Variants in NOC3L observed in about 807,000 individuals in gnomAD.
NOC3L encodes nucleolar complex protein 3 homolog.
In NOC3L, 85 loss-of-function variants were observed where a neutral mutation model predicts 102.5. The ratio of observed to expected loss-of-function variants is 0.83; its 90% CI spans 0.70 to 0.99. The LOEUF (loss-of-function observed/expected upper bound fraction) is 0.99, where lower values mean the gene tolerates loss of function less well. Among genes scored for constraint, NOC3L ranks in the 50% least tolerant of loss-of-function variants. The pLI is 0.00. For missense variants in NOC3L, 878 were observed against 914.9 expected (o/e 0.96, Z 0.52); for synonymous variants, 303 against 309.4 (o/e 0.98, Z 0.22).
chr10:94,362,061 T>C, intron 1 of NOC3L, 189 bp from the exon 2 acceptor site: 5 of 652,014 alleles, frequency 7.7e-6, no homozygotes, highest in Admixed American at 2.3e-5. Flanking sequence ...GCATCAGTTA[T>C]TCAATCCCAA....
At chr10:94,316,493 GATTT>G in the NOC3L span, 1 of 1,123,350 alleles carries the variant, frequency 8.9e-7, no homozygotes, top group Non-Finnish European at 1.4e-6. Flanking sequence ...CATGAAAGTT[GATTT>G]GTTTTAAGTT....
downstream of NOC3L, chr10:94,328,451 C>CCAT (rs1199420690): frequency 6.6e-6 from 1 of 152,338 alleles, no homozygotes; most frequent in African/African-American, 2.4e-5. Context: ...TTTTTTTCAA[C>CCAT]CATTTAAAAA....
In NOC3L at chr10:94,350,212, C is replaced by G. The variant is rs1401540256; in HGVS notation, c.1029G>C (p.Val343=). The G allele has an allele frequency of 2.5e-6, 4 of 1,614,064 alleles. No homozygotes were observed. The highest frequency in any genetic ancestry group is 3.4e-6 in the Non-Finnish European group (4 of 1,180,020). ...KAYKGLAEVA[V]KSLCELLVAL... is the part of the protein sequence containing the mutation. The stretch of plus-strand genomic sequence containing the variant: ...CCACCAACAGCTCACACAAGCTCTT[C>G]ACAGCGACTTCTGCCAGTCCTTTGT... Residue 343 remains valine (V), a synonymous_variant, in exon 9 of 21, where the codon GTG becomes GTC. Transcript: ENST00000371361.
chr10:94,334,133 G>T lies in NOC3L; in HGVS notation c.*44C>A. 1.2e-6 allele frequency: 1 copy of T among 868,790 alleles called. No individual in the cohort carries two copies. Among genetic ancestry groups the T allele is most frequent in the Non-Finnish European group, 1.9e-6 (1 of 523,766 alleles). The allele number at this position is 868,790 out of a possible 1,614,324, so 53.8% of individuals were successfully genotyped here. A position where few individuals can be genotyped will look rare whatever the true frequency, so the allele number is the denominator to read the frequency against. On this transcript the variant is annotated 3_prime_UTR_variant, in exon 21 of 21. Transcript: ENST00000371361. ...TAACAACTCATCTTTATGTACATCT[G>T]CACACACAAATATACAAGAAAGTCC... is the stretch of plus-strand genomic sequence containing the variant.
intron 13 of NOC3L, 85 bp downstream of exon 13, chr10:94,344,330 G>A (rs1237684228): frequency 4.0e-6 from 3 of 752,246 alleles, no homozygotes; most frequent in Non-Finnish European, 6.8e-6. Context: ...GAGGATAATG[G>A]GCCATCATTA....
chr10:94,354,318 T>A (rs181725128), intron 6 of NOC3L, among the ~76,000 whole-genome samples: 125 of 152,346 alleles, frequency 8.2e-4, no homozygotes, highest in African/African-American at 2.7e-3. Flanking sequence ...ACTTCACGTA[T>A]ATTTCATCAT....
At chr10:94,341,102 G>C (rs1331702180) in intron 14 of NOC3L, among the ~76,000 whole-genome samples, 2 of 151,970 alleles carry the variant, frequency 1.3e-5, no homozygotes, top group Non-Finnish European at 2.9e-5. Context: ...AGCCCTGGAA[G>C]GTCAAGGCTG....
intron 5 of NOC3L, 126 bp from the exon 6 acceptor site, chr10:94,355,219 A>G (rs1482435094): frequency 2.8e-6 from 2 of 717,510 alleles, no homozygotes; most frequent in Admixed American, 2.5e-5. Flanking sequence ...ACTACTACAC[A>G]TCATCTCCTC....
At chr10:94,337,967 C>T in intron 18 of NOC3L, 93 bp from the exon 19 acceptor site, 2 of 948,002 alleles carry the variant, frequency 2.1e-6, no homozygotes, top group Non-Finnish European at 3.2e-6. Flanking sequence ...TAAAATTACA[C>T]CAAATTTTTT....
intron 19 of NOC3L, 108 bp from the exon 20 acceptor site, chr10:94,334,826 A>G (rs2054200274): frequency 1.3e-6 from 1 of 798,674 alleles, no homozygotes. Flanking sequence ...ATATTAAGGT[A>G]TAAGATTTGA....
chr10:94,350,175 A>T lies in NOC3L; in HGVS notation c.1066T>A (p.Phe356Ile), dbSNP rs1240158599. The change falls in exon 9 of 21, where the codon TTT (phenylalanine) becomes ATT (isoleucine). Residue 356 changes from phenylalanine to isoleucine, a missense_variant. Transcript: ENST00000371361. ...LCELLVALPH[F>I]NFHNNIIVLI... ...ACGATGATGTTGTTGTGAAAGTTAA[A>T]ATGAGGTAGTGCCACCAACAGCTCA... 6.2e-7 allele frequency: 1 copy of T among 1,614,166 alleles called. No homozygotes were observed. The highest frequency in any genetic ancestry group is 1.7e-5 in the Admixed American group (1 of 60,024).
At chr10:94,359,051 G>A (rs926191113) in intron 2 of NOC3L, among the ~76,000 whole-genome samples, 5 of 150,942 alleles carry the variant, frequency 3.3e-5, no homozygotes, top group Non-Finnish European at 7.4e-5. Context: ...ACTATTTGAA[G>A]TGCTGAGGAT....
In NOC3L at chr10:94,339,936, T is replaced by C. The variant is rs773057504; in HGVS notation, c.1781-16A>G. ...TTGGTAGCACCTAAAACAGCAGACATATTCTTCAGAGCTGTTCTCATTACT... is the reference window on the plus strand; with the variant it reads ...TTGGTAGCACCTAAAACAGCAGACACATTCTTCAGAGCTGTTCTCATTACT... On this transcript the variant is annotated splice_polypyrimidine_tract_variant and intron_variant, in intron 16 of 20. Coordinates refer to ENST00000371361, the MANE Select transcript of NOC3L (RefSeq NM_022451.11). 2 of 1,606,068 alleles carry C rather than the reference T, an allele frequency of 1.2e-6. No individual in the cohort carries two copies. Among genetic ancestry groups the C allele is most frequent in the South Asian group, 2.2e-5 (2 of 90,354 alleles).
chr10:94,328,035 C>T, the NOC3L span: 5 of 520,046 alleles, frequency 9.6e-6, no homozygotes, highest in African/African-American at 1.9e-5. Flanking sequence ...TTTCATCAGA[C>T]TTAAACTGGA....
intron 8 of NOC3L, among the ~76,000 whole-genome samples, chr10:94,352,076 C>T (rs1252869291): frequency 6.6e-6 from 1 of 152,146 alleles, no homozygotes; most frequent in Non-Finnish European, 1.5e-5. Context: ...AAGGTAAGTA[C>T]TATAATTATT....
intron 6 of NOC3L, among the ~76,000 whole-genome samples, chr10:94,354,304 T>G (rs1270192740): frequency 6.6e-6 from 1 of 152,246 alleles, no homozygotes; most frequent in Non-Finnish European, 1.5e-5. Flanking sequence ...TATCATTTTA[T>G]ATGACTTCAC....
intron 2 of NOC3L, among the ~76,000 whole-genome samples, chr10:94,361,033 T>C (rs1318656426): frequency 6.6e-6 from 1 of 151,986 alleles, no homozygotes; most frequent in East Asian, 1.9e-4. Context: ...ATAATAATTT[T>C]TAAAAAATGG....
At chr10:94,329,258 A>C (rs560304789), downstream of NOC3L, 1 of 152,304 alleles carries the variant, frequency 6.6e-6, no homozygotes, top group African/African-American at 2.4e-5. Flanking sequence ...AGGATTCTTC[A>C]TATTCTTAGT....
intron 3 of NOC3L, 44 bp downstream of exon 3, chr10:94,358,039 A>G (rs760491458): frequency 2.3e-6 from 3 of 1,313,116 alleles, no homozygotes; most frequent in Non-Finnish European, 3.3e-6. Flanking sequence ...CAAGTTTTTA[A>G]CACTAAATGG....
Sources: allele counts gnomAD v4.1 joint callset (sites outside exome capture counted in the v4.1 genomes callset), GRCh38; gene constraint gnomAD v4.1.1; transcripts MANE v1.5; gene names NCBI Gene and HGNC (gene_info 2026-07-23, HGNC 2026-07-21).